The following THRB variants were observed in gnomAD, a reference collection of about 807,000 sequenced individuals.
The protein encoded by THRB is thyroid hormone receptor beta, also known as nuclear receptor subfamily 1 group A member 2.
A neutral mutation model predicts 47.8 loss-of-function variants in THRB; 12 were observed. That is an observed-to-expected ratio of 0.25 (90% confidence interval 0.16 to 0.41). The LOEUF (loss-of-function observed/expected upper bound fraction) is 0.41, where lower values mean the gene tolerates loss of function less well. Ranked by LOEUF, THRB falls within the 10% of genes least tolerant of loss-of-function variation. THRB has a pLI of 1.00. For missense variants in THRB, 348 were observed against 589.2 expected (o/e 0.59, Z 4.24); for synonymous variants, 218 against 212.2 (o/e 1.03, Z -0.24).
chr3:24,260,412 T>A (rs568353529), intron 3 of THRB, among the ~76,000 whole-genome samples: 1 of 152,262 alleles, frequency 6.6e-6, no homozygotes, highest in South Asian at 2.1e-4. Flanking sequence ...ACTGCAAGAA[T>A]AAAAGGTAAG....
intron 4 of THRB, among the ~76,000 whole-genome samples, chr3:24,218,360 T>A (rs895423283): frequency 7.2e-6 from 1 of 138,580 alleles, no homozygotes; most frequent in South Asian, 2.3e-4. Context: ...TTTTTTTTTT[T>A]TTAAAAAGAA....
At chr3:24,141,930 C>G (rs1289020881) in intron 8 of THRB, among the ~76,000 whole-genome samples, 2 of 152,192 alleles carry the variant, frequency 1.3e-5, no homozygotes, top group Non-Finnish European at 2.9e-5. Flanking sequence ...CCCAAGTGTA[C>G]TGTGTTAGAA....
chr3:24,409,136 A>T (rs750038641), intron 1 of THRB, among the ~76,000 whole-genome samples: 1 of 151,794 alleles, frequency 6.6e-6, no homozygotes, highest in Non-Finnish European at 1.5e-5. Context: ...TGTTTTAGGT[A>T]CCCGAAATGT....
At chr3:24,446,442 G>T (rs190020038) in intron 1 of THRB, among the ~76,000 whole-genome samples, 1 of 152,080 alleles carries the variant, frequency 6.6e-6, no homozygotes, top group East Asian at 1.9e-4. Flanking sequence ...TTGGAGAGAG[G>T]TCAGTATGCT....
intron 4 of THRB, among the ~76,000 whole-genome samples, chr3:24,204,801 T>C (rs1179528191): frequency 1.3e-5 from 2 of 152,042 alleles, no homozygotes; most frequent in Non-Finnish European, 2.9e-5. Flanking sequence ...TGTAGAGAAG[T>C]CCTTAAATGA....
intron 1 of THRB, among the ~76,000 whole-genome samples, chr3:24,489,498 T>C (rs571045356): frequency 1.3e-5 from 2 of 152,274 alleles, no homozygotes; most frequent in African/African-American, 2.4e-5. Flanking sequence ...TATCAGATTG[T>C]TAGGACTGAC....
At chr3:24,427,652 T>A (rs1293522522) in intron 1 of THRB, among the ~76,000 whole-genome samples, 1 of 152,082 alleles carries the variant, frequency 6.6e-6, no homozygotes, top group East Asian at 1.9e-4. Context: ...ATTGAGATAG[T>A]TGTTAAATAA....
intron 2 of THRB, among the ~76,000 whole-genome samples, chr3:24,327,226 C>T (rs1180979982): frequency 1.3e-5 from 2 of 152,140 alleles, no homozygotes; most frequent in Admixed American, 6.5e-5. Context: ...TTTTGATGAA[C>T]TATTTTGTTC....
In THRB at chr3:24,395,575, C is replaced by A. The variant is rs189681105; in HGVS notation, c.-260-58204G>T. 1.9e-3 allele frequency among the ~76,000 whole-genome samples: 289 copies of A among 152,186 alleles called. 1 individual carries two copies. The highest frequency in any genetic ancestry group is 6.7e-3 in the African/African-American group (279 of 41,544). On this transcript the variant is annotated intron_variant, in intron 1 of 10. Transcript: ENST00000646209. ...AAAACTACAGCGATATACCATTTCACACCCACTAGAATGGCTATCATCAAA... is the reference window on the plus strand; with the variant it reads ...AAAACTACAGCGATATACCATTTCAAACCCACTAGAATGGCTATCATCAAA...
intron 8 of THRB, among the ~76,000 whole-genome samples, chr3:24,133,983 C>T (rs1387512283): frequency 2.0e-5 from 3 of 152,134 alleles, no homozygotes; most frequent in Non-Finnish European, 4.4e-5. Context: ...CTACAGACTC[C>T]AGTTTGAGGT....
chr3:24,341,766 A>T (rs2062671713), intron 1 of THRB, among the ~76,000 whole-genome samples: 1 of 152,158 alleles, frequency 6.6e-6, no homozygotes, highest in East Asian at 1.9e-4. Flanking sequence ...TGCTACATTT[A>T]AGTATTTTCT....
intron 2 of THRB, among the ~76,000 whole-genome samples, chr3:24,325,450 G>A (rs2058741517): frequency 1.3e-5 from 2 of 152,246 alleles, no homozygotes. Flanking sequence ...ACTTTGGGAG[G>A]CTGAGGCGGA....
At chr3:24,429,013 A>T (rs2070088678) in intron 1 of THRB, among the ~76,000 whole-genome samples, 1 of 151,894 alleles carries the variant, frequency 6.6e-6, no homozygotes, top group South Asian at 2.1e-4. Flanking sequence ...AAGAAAATTA[A>T]ATTTTTTCTT....
intron 1 of THRB, among the ~76,000 whole-genome samples, chr3:24,447,930 C>T (rs183682483): frequency 3.4e-4 from 52 of 152,102 alleles, no homozygotes; most frequent in African/African-American, 1.2e-3. Context: ...GGAAAGAGAG[C>T]GCTAGTCATC....
At chr3:24,474,219 G>C (rs1577849995) in intron 1 of THRB, among the ~76,000 whole-genome samples, 1 of 151,816 alleles carries the variant, frequency 6.6e-6, no homozygotes, top group Non-Finnish European at 1.5e-5. Flanking sequence ...AATTTTCCTG[G>C]TTAACTGTTA....
At chr3:24,486,356 G>T (rs942227291) in intron 1 of THRB, 1 of 152,080 alleles carries the variant, frequency 6.6e-6, no homozygotes, top group Non-Finnish European at 1.5e-5. Context: ...TCATCCATAC[G>T]ACAAGAATTT....
intron 1 of THRB, among the ~76,000 whole-genome samples, chr3:24,390,797 A>AAAAAATAT (rs5847290): frequency 3.6e-5 from 5 of 137,862 alleles, no homozygotes; most frequent in Admixed American, 1.5e-4. Flanking sequence ...AAAAAAAAAA[A>AAAAAATAT]ATATATATAT....
At chr3:24,427,262 A>G (rs1297791884) in intron 1 of THRB, among the ~76,000 whole-genome samples, 2 of 152,060 alleles carry the variant, frequency 1.3e-5, no homozygotes, top group Non-Finnish European at 2.9e-5. Flanking sequence ...CCATAGATGT[A>G]TAAATATTAA....
chr3:24,320,726 G>C (rs1442147077), intron 2 of THRB, among the ~76,000 whole-genome samples: 1 of 152,058 alleles, frequency 6.6e-6, no homozygotes, highest in Non-Finnish European at 1.5e-5. Flanking sequence ...AAAGGGGGAG[G>C]ACTTTGCTCA....
Sources: gnomAD v4.1 joint callset for allele counts (sites outside exome capture counted in the v4.1 genomes callset) on GRCh38, gnomAD v4.1.1 for gene constraint, MANE v1.5 for transcripts, NCBI Gene and HGNC (gene_info 2026-07-23, HGNC 2026-07-21) for gene names.